SUGCT: variants seen among roughly 807,000 people sequenced by gnomAD.
SUGCT encodes the protein succinyl-CoA:glutarate CoA-transferase.
SUGCT carries 41 observed loss-of-function variants against 55.0 expected under a neutral mutation model. The observed-to-expected ratio is 0.74, with a 90% confidence interval of 0.58 to 0.97. SUGCT has a LOEUF of 0.97. SUGCT is among the 50% of genes least tolerant of loss of function. The pLI is 0.00. For synonymous variants in SUGCT, 187 were observed against 200.4 expected, an observed-to-expected ratio of 0.93 and a Z score of 0.56; for missense variants, 568 against 547.8, an observed-to-expected ratio of 1.04 and a Z score of -0.37.
rs551564542 is a variant in SUGCT, at chr7:40,153,455, T to C, written c.100+18335T>C. 3.6e-3 allele frequency: 1,296 copies of C among 362,602 alleles called. 5 individuals carry two copies. Among genetic ancestry groups the C allele is most frequent in the Non-Finnish European group, 5.3e-3 (978 of 184,424 alleles). The allele number at this position is 362,602 out of a possible 1,614,324, so 22.5% of individuals were successfully genotyped here. A position where few individuals can be genotyped will look rare whatever the true frequency, so the allele number is the denominator to read the frequency against. ...TGAATATCCATGATAATGAAATCAC[T>C]GTGGGCATGGCATTGACTAAAGCGA... is the stretch of plus-strand genomic sequence containing the variant. On this transcript the variant is annotated intron_variant, in intron 1 of 13. Coordinates refer to ENST00000335693, the MANE Select transcript of SUGCT (RefSeq NM_001193313.2).
At chr7:40,484,455 G>A (rs1019263220) in intron 11 of SUGCT, among the ~76,000 whole-genome samples, 1 of 152,168 alleles carries the variant, frequency 6.6e-6, no homozygotes, top group African/African-American at 2.4e-5. Flanking sequence ...GGCCTTGGGG[G>A]CGGACAGTAG....
chr7:40,801,106 A>T (rs1487638170), intron 13 of SUGCT, among the ~76,000 whole-genome samples: 1 of 152,224 alleles, frequency 6.6e-6, no homozygotes, highest in Non-Finnish European at 1.5e-5. Flanking sequence ...CATTGTGAGT[A>T]CTAATAGGTA....
chr7:40,981,408 T>TCC, the SUGCT span, among the ~76,000 whole-genome samples: 1 of 152,312 alleles, frequency 6.6e-6, no homozygotes, highest in East Asian at 1.9e-4. Context: ...ATCTCATCTC[T>TCC]ATTCCTGGCT....
At chr7:40,637,560 G>A (rs2151818928) in intron 12 of SUGCT, among the ~76,000 whole-genome samples, 1 of 152,316 alleles carries the variant, frequency 6.6e-6, no homozygotes, top group African/African-American at 2.4e-5. Flanking sequence ...ATCCTAGTCA[G>A]CAAACTACTA....
At chr7:40,526,814 C>G (rs1245920981) in intron 12 of SUGCT, among the ~76,000 whole-genome samples, 6 of 152,170 alleles carry the variant, frequency 3.9e-5, no homozygotes, top group Admixed American at 3.3e-4. Context: ...CCTAAGTATA[C>G]CACTGTTAGT....
chr7:40,371,079 A>C (rs1470275442), intron 9 of SUGCT, among the ~76,000 whole-genome samples: 1 of 152,118 alleles, frequency 6.6e-6, no homozygotes. Flanking sequence ...TTCATGCTAA[A>C]TGTTTTTACT....
the SUGCT span, among the ~76,000 whole-genome samples, chr7:41,033,476 T>G: frequency 3.3e-5 from 5 of 152,180 alleles, no homozygotes; most frequent in Admixed American, 3.3e-4. Context: ...ACATGTTAAC[T>G]CATCCCCAGC....
chr7:40,281,630 G>C (rs1948792), intron 8 of SUGCT, among the ~76,000 whole-genome samples: 151,551 of 152,338 alleles, frequency 0.99, 75,386 homozygotes, highest in East Asian at 1. Context: ...TTAATGAATC[G>C]AAAGCAGTCT....
intron 6 of SUGCT, among the ~76,000 whole-genome samples, chr7:40,201,380 C>G (rs1344532242): frequency 6.6e-6 from 1 of 152,068 alleles, no homozygotes; most frequent in South Asian, 2.1e-4. Context: ...AATAAATAAT[C>G]AATATGGAGA....
intron 12 of SUGCT, among the ~76,000 whole-genome samples, chr7:40,707,788 A>C (rs944935353): frequency 6.6e-6 from 1 of 152,194 alleles, no homozygotes; most frequent in Non-Finnish European, 1.5e-5. Flanking sequence ...GTAAGCCTTA[A>C]ATATTGTTTC....
the SUGCT span, among the ~76,000 whole-genome samples, chr7:40,920,342 G>A: frequency 6.6e-6 from 1 of 152,170 alleles, no homozygotes; most frequent in African/African-American, 2.4e-5. Flanking sequence ...CCCTGTGCAG[G>A]ACAAATGACA....
At chr7:40,798,398 C>G (rs1435570083) in intron 13 of SUGCT, among the ~76,000 whole-genome samples, 2 of 152,132 alleles carry the variant, frequency 1.3e-5, no homozygotes, top group African/African-American at 2.4e-5. Context: ...CCTTTGAGAA[C>G]TGTATAGAAT....
At position 40,237,616 on chromosome 7, in the gene SUGCT, T is replaced by C. The variant is rs748310280; in HGVS notation, c.485-19T>C. 2 of 1,605,528 alleles carry C rather than the reference T, an allele frequency of 1.2e-6. No individual in the cohort carries two copies. Among genetic ancestry groups the C allele is most frequent in the South Asian group, 2.2e-5 (2 of 90,928 alleles). On this transcript the variant is annotated intron_variant, in intron 6 of 13. Transcript: ENST00000335693. ...CACACCCTGTGTGGTGCTGAATATG[T>C]TTATTTTTGTTGTTTTAGGGTATGG...
intron 9 of SUGCT, among the ~76,000 whole-genome samples, chr7:40,390,608 A>G (rs1785371722): frequency 6.6e-6 from 1 of 152,196 alleles, no homozygotes; most frequent in South Asian, 2.1e-4. Context: ...AAGGAGAACT[A>G]CAAACCAGTC....
At chr7:40,381,253 TAGTAGTAATAGC>T (rs764223428) in intron 9 of SUGCT, among the ~76,000 whole-genome samples, 55 of 152,072 alleles carry the variant, frequency 3.6e-4, no homozygotes, top group Non-Finnish European at 7.7e-4. Context: ...AAATTAGTAG[TAGTAGTAATAGC>T]AGTAGTGATA....
intron 9 of SUGCT, among the ~76,000 whole-genome samples, chr7:40,359,026 A>G (rs532877243): frequency 1.3e-5 from 2 of 152,338 alleles, no homozygotes; most frequent in Non-Finnish European, 2.9e-5. Context: ...ATTGCATGCA[A>G]ATAAAGAATT....
intron 12 of SUGCT, among the ~76,000 whole-genome samples, chr7:40,530,588 C>A (rs1173531104): frequency 6.6e-6 from 1 of 152,146 alleles, no homozygotes; most frequent in African/African-American, 2.4e-5. Context: ...ATAAAATATT[C>A]TTAGCAGAGT....
At position 40,360,569 on chromosome 7, in the gene SUGCT, C is replaced by T. The variant is rs1213955119; in HGVS notation, c.816+43714C>T. Among the ~76,000 whole-genome samples, 3 of 152,152 alleles carry T rather than the reference C, an allele frequency of 2.0e-5. No individual in the cohort carries two copies. In the East Asian group the frequency reaches 5.8e-4, roughly 29 times the overall value. ...GTGAAGGTGGTGATGGATGCAGTAA[C>T]AGAGTAAGTGCACTGTGATATGGCC... On this transcript the variant is annotated intron_variant, in intron 9 of 13. Transcript: ENST00000335693.
At chr7:40,952,787 C>G in the SUGCT span, among the ~76,000 whole-genome samples, 7 of 152,230 alleles carry the variant, frequency 4.6e-5, no homozygotes, top group Non-Finnish European at 8.8e-5. Flanking sequence ...GGCCCCCACT[C>G]TCTTCTGGCT....
Sources: gnomAD v4.1 joint callset for allele counts (sites outside exome capture counted in the v4.1 genomes callset) on GRCh38, gnomAD v4.1.1 for gene constraint, MANE v1.5 for transcripts, NCBI Gene and HGNC (gene_info 2026-07-23, HGNC 2026-07-21) for gene names.